The following AGBL4 variants were observed in gnomAD, a reference collection of about 807,000 sequenced individuals.
AGBL4 encodes AGBL carboxypeptidase 4.
A neutral mutation model predicts 66.4 loss-of-function variants in AGBL4; 58 were observed. The ratio of observed to expected loss-of-function variants is 0.87; its 90% CI spans 0.71 to 1.09. The LOEUF is 1.09. AGBL4 is among the 50% of genes least tolerant of loss of function. The pLI, the probability that AGBL4 is intolerant of heterozygous loss-of-function variation, is 0.00. For missense variants in AGBL4, 579 were observed against 631.0 expected, an observed-to-expected ratio of 0.92 and a Z score of 0.88; for synonymous variants, 234 against 222.9, an observed-to-expected ratio of 1.05 and a Z score of -0.44.
At chr1:48,948,951 C>T (rs767089069) in intron 5 of AGBL4, among the ~76,000 whole-genome samples, 2 of 152,122 alleles carry the variant, frequency 1.3e-5, no homozygotes, top group African/African-American at 4.8e-5. Context: ...GTATTGTGCA[C>T]TCACTCTGTG....
At chr1:48,955,286 G>A (rs1657344913) in intron 5 of AGBL4, among the ~76,000 whole-genome samples, 1 of 152,158 alleles carries the variant, frequency 6.6e-6, no homozygotes, top group Non-Finnish European at 1.5e-5. Flanking sequence ...TTGATAAGTG[G>A]TCACCCTTAT....
intron 1 of AGBL4, among the ~76,000 whole-genome samples, chr1:49,861,055 G>A (rs1646560284): frequency 6.6e-6 from 1 of 152,058 alleles, no homozygotes; most frequent in African/African-American, 2.4e-5. Context: ...TAGAGCTGGG[G>A]GAAGAAAAAC....
intron 3 of AGBL4, among the ~76,000 whole-genome samples, chr1:49,687,567 T>G (rs1316138539): frequency 6.6e-6 from 1 of 150,828 alleles, no homozygotes; most frequent in East Asian, 2.0e-4. Context: ...AGCTCAGGAG[T>G]TCAAGACCAG....
intron 3 of AGBL4, among the ~76,000 whole-genome samples, chr1:49,578,804 T>C (rs1217377699): frequency 6.6e-6 from 1 of 152,160 alleles, no homozygotes; most frequent in Non-Finnish European, 1.5e-5. Context: ...GTAGAGCGTA[T>C]GGGTTGAAGT....
At chr1:48,770,437 G>C (rs142802769) in intron 6 of AGBL4, among the ~76,000 whole-genome samples, 1 of 152,212 alleles carries the variant, frequency 6.6e-6, no homozygotes, top group Non-Finnish European at 1.5e-5. Flanking sequence ...GACTAGGAAG[G>C]CTGTTTCTCC....
chr1:48,935,100 T>A (rs1655341767), intron 5 of AGBL4, among the ~76,000 whole-genome samples: 1 of 152,224 alleles, frequency 6.6e-6, no homozygotes, highest in Non-Finnish European at 1.5e-5. Flanking sequence ...TAGGAAGACA[T>A]GAATTTGTAC....
At chr1:48,891,119 T>C (rs1650914110) in intron 5 of AGBL4, among the ~76,000 whole-genome samples, 1 of 152,134 alleles carries the variant, frequency 6.6e-6, no homozygotes, top group Admixed American at 6.5e-5. Flanking sequence ...CATTACTGAG[T>C]TTGTAGAACA....
chr1:48,718,079 G>A (rs1647082259), intron 6 of AGBL4, among the ~76,000 whole-genome samples: 1 of 152,128 alleles, frequency 6.6e-6, no homozygotes, highest in African/African-American at 2.4e-5. Context: ...AAATGAACGA[G>A]GGAATGAAAG....
At chr1:48,739,467 A>G (rs1360389869) in intron 6 of AGBL4, among the ~76,000 whole-genome samples, 1 of 151,814 alleles carries the variant, frequency 6.6e-6, no homozygotes, top group Non-Finnish European at 1.5e-5. Context: ...ATTCATCTAC[A>G]TAGTCCATCT....
chr1:49,541,704 T>C (rs760300933), intron 3 of AGBL4, among the ~76,000 whole-genome samples: 9 of 152,004 alleles, frequency 5.9e-5, no homozygotes, highest in Non-Finnish European at 1.3e-4. Flanking sequence ...GGCTGAGGAG[T>C]GCAACGGCGA....
At chr1:49,575,041 T>C (rs1270661137) in intron 3 of AGBL4, among the ~76,000 whole-genome samples, 1 of 152,132 alleles carries the variant, frequency 6.6e-6, no homozygotes, top group Non-Finnish European at 1.5e-5. Flanking sequence ...ACTACATTAC[T>C]GACAATTTAT....
At chr1:49,527,987 A>G (rs896641564) in intron 3 of AGBL4, among the ~76,000 whole-genome samples, 2 of 152,112 alleles carry the variant, frequency 1.3e-5, no homozygotes, top group Admixed American at 1.3e-4. Flanking sequence ...TGACTGAGTT[A>G]GACAAATTAG....
chr1:49,765,422 T>C (rs950528968), intron 2 of AGBL4, among the ~76,000 whole-genome samples: 4 of 151,722 alleles, frequency 2.6e-5, no homozygotes, highest in Admixed American at 6.6e-5. Context: ...AAAAGAAAAA[T>C]ATATATACAC....
intron 9 of AGBL4, among the ~76,000 whole-genome samples, chr1:48,616,028 T>A (rs1180747168): frequency 6.6e-6 from 1 of 152,136 alleles, no homozygotes; most frequent in African/African-American, 2.4e-5. Context: ...GGAGGGGCCC[T>A]CATGATCTGA....
rs538345332 is a variant in AGBL4, at chr1:49,918,516, C to A, written c.35-66998G>T. ...ATGGATAAATTCCTCGACACATACA[C>A]CCTCCCAAGACTAAACCAGGAAGAA... On this transcript the variant is annotated intron_variant, in intron 1 of 13. Transcript: ENST00000371839. 8.5e-5 allele frequency among the ~76,000 whole-genome samples: 13 copies of A among 152,204 alleles called. No individual in the cohort carries two copies. The South Asian group carries it at 2.3e-3, about 27-fold the overall frequency.
intron 2 of AGBL4, among the ~76,000 whole-genome samples, chr1:49,799,614 A>G (rs569560261): frequency 6.6e-6 from 1 of 152,268 alleles, no homozygotes; most frequent in South Asian, 2.1e-4. Flanking sequence ...GAAAGAAGAT[A>G]GATTTTAGAG....
intron 2 of AGBL4, among the ~76,000 whole-genome samples, chr1:49,779,781 G>C (rs1644292101): frequency 6.6e-6 from 1 of 152,088 alleles, no homozygotes; most frequent in Admixed American, 6.6e-5. Context: ...GGCCATAAAG[G>C]CTACACAGAG....
intron 2 of AGBL4, among the ~76,000 whole-genome samples, chr1:49,762,425 T>A (rs2147864690): frequency 6.6e-6 from 1 of 151,586 alleles, no homozygotes; most frequent in East Asian, 1.9e-4. Flanking sequence ...TTTTTTTTTT[T>A]TTTTTGAGAC....
At chr1:49,801,981 T>C (rs1644871796) in intron 2 of AGBL4, among the ~76,000 whole-genome samples, 1 of 152,214 alleles carries the variant, frequency 6.6e-6, no homozygotes, top group Non-Finnish European at 1.5e-5. Context: ...TTATCTTCTG[T>C]AGGGAGACCC....
Sources: allele counts gnomAD v4.1 joint callset (sites outside exome capture counted in the v4.1 genomes callset), GRCh38; gene constraint gnomAD v4.1.1; transcripts MANE v1.5; gene names NCBI Gene and HGNC (gene_info 2026-07-23, HGNC 2026-07-21).